DSCAM: variants seen among roughly 807,000 people sequenced by gnomAD.
The protein encoded by DSCAM is cell adhesion molecule DSCAM.
DSCAM carries 47 observed loss-of-function variants against 217.7 expected under a neutral mutation model. That is an observed-to-expected ratio of 0.22 (90% CI 0.17 to 0.28). The LOEUF is 0.28. DSCAM is among the 10% of genes least tolerant of loss of function. The probability of loss-of-function intolerance (pLI) is 1.00; values close to 1 mark genes in which losing one functional copy is unlikely to be tolerated. For synonymous variants in DSCAM, 1,056 were observed against 1,015.3 expected, an observed-to-expected ratio of 1.04 and a Z score of -0.76; for missense variants, 2,080 against 2,618.3, an observed-to-expected ratio of 0.79 and a Z score of 4.49.
chr21:40,372,962 G>T (rs1601594888), intron 3 of DSCAM, among the ~76,000 whole-genome samples: 1 of 152,004 alleles, frequency 6.6e-6, no homozygotes, highest in Non-Finnish European at 1.5e-5. Flanking sequence ...TCTATGTAGG[G>T]ACACAAAACT....
chr21:40,183,388 T>C (rs1246368277), intron 14 of DSCAM, among the ~76,000 whole-genome samples: 1 of 152,142 alleles, frequency 6.6e-6, no homozygotes, highest in Non-Finnish European at 1.5e-5. Context: ...AGAAGAATGT[T>C]CCAGATAAGG....
intron 1 of DSCAM, among the ~76,000 whole-genome samples, chr21:40,835,367 ATCT>A (rs907162994): frequency 5.3e-5 from 8 of 152,192 alleles, no homozygotes; most frequent in Non-Finnish European, 7.3e-5. Context: ...TTAAACTGAA[ATCT>A]TCTTCTGCAA....
chr21:40,042,371 C>T lies in DSCAM; in HGVS notation c.5686G>A (p.Gly1896Ser), dbSNP rs931447654. Residue 1896 changes from glycine (G) to serine (S), a missense_variant and splice_region_variant, in exon 32 of 33, where the codon GGT (glycine) becomes AGT (serine). Gly to Ser is a moderately conservative substitution (Grantham distance 56). Coordinates refer to ENST00000400454, the MANE Select transcript of DSCAM (RefSeq NM_001389.5). Reference sequence around the variant, plus strand: ...CCCCCAGGTGGCCTTGCTCACCTACCTGGCCGATGTGCCTTTGGAACTGCC... The same window carrying T: ...CCCCCAGGTGGCCTTGCTCACCTACTTGGCCGATGTGCCTTTGGAACTGCC... The part of the protein sequence containing the change: ...NMAVPKAHRP[G>S]DLIHLPPYLR... 1.2e-6 allele frequency: 2 copies of T among 1,612,752 alleles called. No individual in the cohort carries two copies. Among genetic ancestry groups the T allele is most frequent in the Non-Finnish European group, 8.5e-7 (1 of 1,179,214 alleles).
rs558424342 is a variant in DSCAM at position 40,638,051 on chromosome 21, G to A, written c.508+54759C>T. The stretch of plus-strand genomic sequence containing the variant: ...AATGATATCAGCATTTTAGGCAAAA[G>A]TAGCTATAGTTCTATGAGAACATCA... On this transcript the variant is annotated intron_variant, in intron 3 of 32. Coordinates refer to ENST00000400454, the MANE Select transcript of DSCAM (RefSeq NM_001389.5). Among the ~76,000 whole-genome samples the A allele has an allele frequency of 3.3e-5, 5 of 152,138 alleles. No individual in the cohort carries two copies. In the South Asian group the frequency reaches 1.0e-3, roughly 32 times the overall value.
chr21:40,313,549 C>T (rs2074163544), intron 8 of DSCAM, among the ~76,000 whole-genome samples: 1 of 150,906 alleles, frequency 6.6e-6, no homozygotes, highest in Non-Finnish European at 1.5e-5. Flanking sequence ...CACATTTGAA[C>T]TCTAACTGTT....
chr21:40,471,927 A>T (rs2075892158), intron 3 of DSCAM, among the ~76,000 whole-genome samples: 1 of 152,098 alleles, frequency 6.6e-6, no homozygotes, highest in African/African-American at 2.4e-5. Context: ...ATATCTCCTA[A>T]TGCTATTCCT....
intron 1 of DSCAM, among the ~76,000 whole-genome samples, chr21:40,807,347 G>A (rs1601290753): frequency 1.3e-5 from 2 of 152,272 alleles, no homozygotes; most frequent in African/African-American, 4.8e-5. Context: ...AGCCTCTTGA[G>A]GCTTTGGATG....
intron 3 of DSCAM, among the ~76,000 whole-genome samples, chr21:40,489,490 A>G (rs1257322170): frequency 6.6e-6 from 1 of 152,060 alleles, no homozygotes; most frequent in African/African-American, 2.4e-5. Flanking sequence ...ATATATAAAT[A>G]AGGGCCGGGC....
Position 40,142,586 on chromosome 21 carries a change from G to T in DSCAM, c.3378C>A (p.Val1126=). Residue 1126 remains valine (V), a synonymous_variant, in exon 18 of 33, where the codon GTC becomes GTA. Transcript: ENST00000400454. ...CGTCCATGAGGTTGGCCCAGTAAAT[G>T]ACTCTGAACCCCTGGAGAATTCCAT... The part of the protein sequence containing the change: ...ALNGILQGFR[V]IYWANLMDGE... 2 of 1,614,132 alleles carry T rather than the reference G, an allele frequency of 1.2e-6. No individual in the cohort carries two copies. Among genetic ancestry groups the T allele is most frequent in the Admixed American group, 3.3e-5 (2 of 60,028 alleles).
chr21:40,055,671 G>A, intron 29 of DSCAM, 54 bp downstream of exon 29: 1 of 1,372,842 alleles, frequency 7.3e-7, no homozygotes, highest in Non-Finnish European at 1.0e-6. Flanking sequence ...TTTGGATTGA[G>A]AAGGCATGGC....
intron 3 of DSCAM, among the ~76,000 whole-genome samples, chr21:40,386,503 G>A (rs966287303): frequency 6.6e-6 from 1 of 152,204 alleles, no homozygotes; most frequent in Non-Finnish European, 1.5e-5. Flanking sequence ...CCCCCTGCTG[G>A]TCAGACCGAG....
intron 2 of DSCAM, 76 bp from the exon 3 acceptor site, chr21:40,693,032 T>G: frequency 1.3e-6 from 2 of 1,507,008 alleles, no homozygotes; most frequent in South Asian, 2.5e-5. Context: ...CTGTAATATA[T>G]ACACTGCAGC....
In DSCAM at chr21:40,322,219, C is replaced by T. The variant is rs370259730; in HGVS notation, c.1784-9860G>A. ...CCTCGCCCAGGACATTTGCTGCTTCCTGTCGTGTGTTGCCATCATTTGTCT... is the reference window on the plus strand; with the variant it reads ...CCTCGCCCAGGACATTTGCTGCTTCTTGTCGTGTGTTGCCATCATTTGTCT... On this transcript the variant is annotated intron_variant, in intron 8 of 32. Transcript: ENST00000400454. 7.2e-5 allele frequency among the ~76,000 whole-genome samples: 11 copies of T among 152,170 alleles called. No individual in the cohort carries two copies. The East Asian group carries it at 1.2e-3, about 16-fold the overall frequency.
intron 9 of DSCAM, among the ~76,000 whole-genome samples, chr21:40,311,328 GTC>G (rs2074135024): frequency 6.6e-6 from 1 of 152,216 alleles, no homozygotes; most frequent in African/African-American, 2.4e-5. Flanking sequence ...ATCACAGAAT[GTC>G]TGTGTTTGAT....
Position 40,312,066 on chromosome 21 carries a change from T to C in DSCAM, c.2062+15A>G. The C allele has an allele frequency of 6.2e-7, 1 of 1,609,266 alleles. No homozygotes were observed. ...AACTCTACAGATGCCACATGGCTCA[T>C]GATCCTTTGCTCACCTCTGACAATC... On this transcript the variant is annotated intron_variant, in intron 9 of 32. Transcript: ENST00000400454.
rs372996944 is a variant in DSCAM, at chr21:40,743,563, C to G, written c.44-34792G>C. ...GTCGAATTTCACACCCCAAAACATGCAGTGAGGATCTGCTTATACTAGAAG... is the reference window on the plus strand; with the variant it reads ...GTCGAATTTCACACCCCAAAACATGGAGTGAGGATCTGCTTATACTAGAAG... On this transcript the variant is annotated intron_variant, in intron 1 of 32. Transcript: ENST00000400454. Among the ~76,000 whole-genome samples the G allele has an allele frequency of 3.9e-5, 6 of 152,082 alleles. No individual in the cohort carries two copies. In the East Asian group the frequency reaches 1.2e-3, roughly 29 times the overall value.
chr21:40,482,063 A>G (rs1235642432), intron 3 of DSCAM, among the ~76,000 whole-genome samples: 2 of 152,228 alleles, frequency 1.3e-5, no homozygotes, highest in Non-Finnish European at 2.9e-5. Context: ...CGGGGGGAAG[A>G]GCAAGTGCAG....
At chr21:40,563,639 T>C (rs1032887401) in intron 3 of DSCAM, among the ~76,000 whole-genome samples, 23 of 137,318 alleles carry the variant, frequency 1.7e-4, no homozygotes, top group Admixed American at 8.0e-4. Flanking sequence ...TATATGTGTA[T>C]ATATAGTTAT....
At chr21:40,777,191 C>T (rs1053122140) in intron 1 of DSCAM, among the ~76,000 whole-genome samples, 2 of 152,120 alleles carry the variant, frequency 1.3e-5, no homozygotes, top group Non-Finnish European at 2.9e-5. Context: ...GGCCAATGAG[C>T]TCCCTTGGGC....
Sources: allele counts gnomAD v4.1 joint callset (sites outside exome capture counted in the v4.1 genomes callset), GRCh38; gene constraint gnomAD v4.1.1; transcripts MANE v1.5; gene names NCBI Gene and HGNC (gene_info 2026-07-23, HGNC 2026-07-21).